The following CLN8 variants were observed in gnomAD, a reference collection of about 807,000 sequenced individuals.
The protein encoded by CLN8 is protein CLN8.
Under a neutral mutation model 15.7 loss-of-function variants are expected in CLN8, and 14 were observed. The observed-to-expected ratio is 0.89, with a 90% CI of 0.59 to 1.39. CLN8 has a LOEUF of 1.39. Among genes scored for constraint, CLN8 ranks in the 40% most tolerant of loss-of-function variants. The pLI is 0.00. For synonymous variants in CLN8, 188 were observed against 151.0 expected (o/e 1.25, Z -1.80); for missense variants, 415 against 364.0 (o/e 1.14, Z -1.14).
Position 1,781,442 on chromosome 8 carries a change from G to A in CLN8, c.*875G>A, listed in dbSNP as rs1265045601. ...TGGTGGCAAGTGGTACAAAGACAAC[G>A]CTGAGGGGTAGTGACTCCTGTAGCA... is the stretch of plus-strand genomic sequence containing the variant. On this transcript the variant is annotated 3_prime_UTR_variant, in exon 3 of 3. Transcript: ENST00000331222. The A allele has an allele frequency of 1.3e-5, 2 of 150,306 alleles. No individual in the cohort carries two copies. The highest frequency in any genetic ancestry group is 6.6e-5 in the Admixed American group (1 of 15,100). The allele number at this position is 150,306 out of a possible 1,614,324, so 9.3% of individuals were successfully genotyped here.
At chr8:1,753,821 G>A (rs937469376), upstream of CLN8, among the ~76,000 whole-genome samples, 2 of 151,722 alleles carry the variant, frequency 1.3e-5, no homozygotes, top group African/African-American at 4.8e-5. Flanking sequence ...GGGAGGCAGA[G>A]GTTGCACTGA....
chr8:1,761,089 G>A (rs1404558009), upstream of CLN8, among the ~76,000 whole-genome samples: 2 of 136,686 alleles, frequency 1.5e-5, no homozygotes, highest in African/African-American at 5.7e-5. Flanking sequence ...GCATGATCTC[G>A]GCTCACTGCA....
upstream of CLN8, among the ~76,000 whole-genome samples, chr8:1,761,324 AG>A (rs974904473): frequency 6.6e-5 from 9 of 137,372 alleles, no homozygotes; most frequent in African/African-American, 2.5e-4. Context: ...CGGAGTTCAG[AG>A]TTTTTGCTGT....
At chr8:1,755,078 T>G (rs113535737), upstream of CLN8, among the ~76,000 whole-genome samples, 2,284 of 152,284 alleles carry the variant, frequency 0.015, 52 homozygotes, top group African/African-American at 0.052. Flanking sequence ...CACTTCAGGT[T>G]GAGTCTATCA....
At chr8:1,760,799 C>T (rs146512656), upstream of CLN8, among the ~76,000 whole-genome samples, 1 of 152,150 alleles carries the variant, frequency 6.6e-6, no homozygotes, top group Non-Finnish European at 1.5e-5. Context: ...CAGTGAGAGA[C>T]AGCTGCTCTG....
intron 1 of CLN8, among the ~76,000 whole-genome samples, chr8:1,768,464 A>C (rs1297716179): frequency 1.3e-5 from 2 of 152,206 alleles, no homozygotes; most frequent in Non-Finnish European, 2.9e-5. Context: ...TCTCGTCTCA[A>C]GGCAGAGGTC....
chr8:1,776,146 C>T (rs1003882919), intron 2 of CLN8, among the ~76,000 whole-genome samples: 2 of 151,638 alleles, frequency 1.3e-5, no homozygotes, highest in African/African-American at 4.8e-5. Context: ...ACATGCGTGG[C>T]AGTGCCCCGG....
At chr8:1,758,347 T>C (rs1468902927) in intron 1 of CLN8, 4 of 152,014 alleles carry the variant, frequency 2.6e-5, no homozygotes, top group Non-Finnish European at 2.9e-5. Context: ...AATTTGTAAA[T>C]TAGTTGATGA....
chr8:1,764,735 C>T (rs922557731), intron 1 of CLN8: 3 of 152,558 alleles, frequency 2.0e-5, no homozygotes, highest in African/African-American at 7.2e-5. Context: ...GCCCTATAGC[C>T]AGCTGCTCTA....
upstream of CLN8, chr8:1,760,182 A>G (rs1205122472): frequency 6.6e-6 from 1 of 152,086 alleles, no homozygotes; most frequent in Non-Finnish European, 1.5e-5. Context: ...CTCACTGAAC[A>G]CTGTTTTTTT....
rs1272629779 is a variant in CLN8, at chr8:1,782,744, T to G, written c.*2177T>G. The G allele has an allele frequency of 1.3e-5, 2 of 152,264 alleles. No homozygotes were observed. The highest frequency in any genetic ancestry group is 1.3e-4 in the Admixed American group (2 of 15,288). 9.4% of individuals were successfully genotyped at this position (152,264 alleles called of 1,614,324 possible). On this transcript the variant is annotated 3_prime_UTR_variant, in exon 3 of 3. Coordinates refer to ENST00000331222, the MANE Select transcript of CLN8 (RefSeq NM_018941.4). The stretch of plus-strand genomic sequence containing the variant: ...TCAAAATAAACTAACCTATTCATAT[T>G]GCTGTGAATGCTTTATCTTGGAGAT...
At chr8:1,760,662 A>G (rs561384058), upstream of CLN8, among the ~76,000 whole-genome samples, 40 of 152,294 alleles carry the variant, frequency 2.6e-4, no homozygotes, top group African/African-American at 9.6e-4. Context: ...TTGTTAAGAC[A>G]GGCCTCAGCA....
Position 1,780,940 on chromosome 8 carries a change from C to T in CLN8, c.*373C>T. On this transcript the variant is annotated 3_prime_UTR_variant, in exon 3 of 3. Coordinates refer to ENST00000331222, the MANE Select transcript of CLN8 (RefSeq NM_018941.4). ...CAGGGCGGGTGGGTCAGCGTTGACTCTTTCCAGCTGCACACTCATATGCCG... is the reference window on the plus strand; with the variant it reads ...CAGGGCGGGTGGGTCAGCGTTGACTTTTTCCAGCTGCACACTCATATGCCG... 3.2e-6 allele frequency: 1 copy of T among 317,452 alleles called. No individual in the cohort carries two copies. Among genetic ancestry groups the T allele is most frequent in the Non-Finnish European group, 5.9e-6 (1 of 169,894 alleles). 19.7% of individuals were successfully genotyped at this position (317,452 alleles called of 1,614,324 possible).
In CLN8 at chr8:1,770,988, G is replaced by T; in HGVS notation, c.-67G>T. On this transcript the variant is annotated 5_prime_UTR_variant, in exon 2 of 3. Coordinates refer to ENST00000331222, the MANE Select transcript of CLN8 (RefSeq NM_018941.4). Reference sequence around the variant, plus strand: ...CCGCTGCACTGACTTCATTTCCTTAGACAAGACACAGTGTAGGGCCCGGCC... The same window carrying T: ...CCGCTGCACTGACTTCATTTCCTTATACAAGACACAGTGTAGGGCCCGGCC... The T allele has an allele frequency of 4.0e-6, 6 of 1,486,466 alleles. 1 individual carries two copies. The South Asian group carries it at 6.8e-5, about 17-fold the overall frequency. The allele number at this position is 1,486,466 out of a possible 1,614,324, so 92.1% of individuals were successfully genotyped here.
At chr8:1,756,943 A>C (rs1188077410) in intron 1 of CLN8, among the ~76,000 whole-genome samples, 1 of 152,126 alleles carries the variant, frequency 6.6e-6, no homozygotes, top group East Asian at 1.9e-4. Flanking sequence ...TCGGCATCCC[A>C]AAGTGCTGGG....
chr8:1,757,354 G>T (rs1412325446), intron 1 of CLN8, among the ~76,000 whole-genome samples: 3 of 152,212 alleles, frequency 2.0e-5, no homozygotes, highest in Non-Finnish European at 4.4e-5. Flanking sequence ...ACGGGAGGGG[G>T]CGTAGAGGAC....
intron 2 of CLN8, among the ~76,000 whole-genome samples, chr8:1,776,985 G>A (rs900416659): frequency 2.6e-5 from 4 of 152,186 alleles, no homozygotes; most frequent in Non-Finnish European, 4.4e-5. Context: ...GTGTGATACC[G>A]TTCCATGTAC....
upstream of CLN8, among the ~76,000 whole-genome samples, chr8:1,754,329 C>A (rs1800618151): frequency 6.6e-6 from 1 of 152,200 alleles, no homozygotes; most frequent in Non-Finnish European, 1.5e-5. Flanking sequence ...TTCTTCTTAA[C>A]CCCTGCATTA....
rs1801691849 is a variant in CLN8, at chr8:1,780,721, G to C, written c.*154G>C. 2.9e-6 allele frequency: 2 copies of C among 696,744 alleles called. No homozygotes were observed. The highest frequency in any genetic ancestry group is 5.4e-5 in the East Asian group (2 of 36,876). The allele number at this position is 696,744 out of a possible 1,614,324, so 43.2% of individuals were successfully genotyped here. A position where few individuals can be genotyped will look rare whatever the true frequency, so the allele number is the denominator to read the frequency against. ...TTTCTTTCGCATTAGTATTAATTTT[G>C]AAGTAGCTACAAAGTATTTTTAAGA... On this transcript the variant is annotated 3_prime_UTR_variant, in exon 3 of 3. Transcript: ENST00000331222.
Sources: gnomAD v4.1 joint callset for allele counts (sites outside exome capture counted in the v4.1 genomes callset) on GRCh38, gnomAD v4.1.1 for gene constraint, MANE v1.5 for transcripts, NCBI Gene and HGNC (gene_info 2026-07-23, HGNC 2026-07-21) for gene names.